Variants in STPG2 observed in about 807,000 individuals in gnomAD.
STPG2 encodes sperm tail PG-rich repeat containing 2.
A neutral mutation model predicts 54.2 loss-of-function variants in STPG2; 56 were observed. The ratio of observed to expected loss-of-function variants is 1.03; its 90% CI spans 0.83 to 1.29. STPG2 has a LOEUF of 1.29. Among genes scored for constraint, STPG2 ranks in the 50% most tolerant of loss-of-function variants. The pLI, the probability that STPG2 is intolerant of heterozygous loss-of-function variation, is 0.00. For synonymous variants in STPG2, 200 were observed against 181.8 expected (o/e 1.10, Z -0.81); for missense variants, 596 against 544.9 (o/e 1.09, Z -0.93).
intron 4 of STPG2, among the ~76,000 whole-genome samples, chr4:97,516,932 G>A (rs926340525): frequency 6.6e-6 from 1 of 151,684 alleles, no homozygotes; most frequent in Non-Finnish European, 1.5e-5. Context: ...TTTTAAGACT[G>A]AGTCTTACTC....
chr4:97,885,698 A>G (rs1423490970), intron 8 of STPG2, among the ~76,000 whole-genome samples: 1 of 152,210 alleles, frequency 6.6e-6, no homozygotes, highest in South Asian at 2.1e-4. Context: ...TTCCACAAAT[A>G]CAATGGGCCA....
At chr4:97,743,634 C>T (rs554064571) in intron 9 of STPG2, among the ~76,000 whole-genome samples, 26 of 151,548 alleles carry the variant, frequency 1.7e-4, no homozygotes, top group Admixed American at 1.4e-3. Flanking sequence ...CATCTTTGTG[C>T]TAGAGGGGAT....
intron 8 of STPG2, among the ~76,000 whole-genome samples, chr4:97,903,457 AC>A (rs1560580025): frequency 1.3e-5 from 2 of 152,220 alleles, no homozygotes; most frequent in African/African-American, 2.4e-5. Context: ...TAAAAAAAAA[AC>A]AGCAAATTAA....
intron 9 of STPG2, among the ~76,000 whole-genome samples, chr4:97,791,988 AC>A (rs1232236125): frequency 6.6e-6 from 1 of 152,158 alleles, no homozygotes; most frequent in African/African-American, 2.4e-5. Flanking sequence ...AATATGAAAG[AC>A]AAAGAGATCT....
At chr4:97,894,344 C>T (rs192961860) in intron 8 of STPG2, among the ~76,000 whole-genome samples, 26 of 151,890 alleles carry the variant, frequency 1.7e-4, no homozygotes, top group Admixed American at 3.3e-4. Context: ...CATTCATCTA[C>T]GAAAAAATAC....
intron 4 of STPG2, among the ~76,000 whole-genome samples, chr4:97,487,397 C>T (rs2148825252): frequency 6.6e-6 from 1 of 151,408 alleles, no homozygotes; most frequent in East Asian, 2.0e-4. Flanking sequence ...CAAATTGAAC[C>T]TTTAAATTTA....
chr4:97,764,785 T>A (rs1346736198), intron 9 of STPG2, among the ~76,000 whole-genome samples: 1 of 152,152 alleles, frequency 6.6e-6, no homozygotes, highest in African/African-American at 2.4e-5. Flanking sequence ...AGTATGTTAT[T>A]TAATTCATAT....
At chr4:97,853,956 CT>C (rs1729249753) in intron 8 of STPG2, among the ~76,000 whole-genome samples, 1 of 151,860 alleles carries the variant, frequency 6.6e-6, no homozygotes, top group African/African-American at 2.4e-5. Flanking sequence ...TAATTTGGGG[CT>C]TTTTGTGGGG....
chr4:98,050,861 C>T (rs1483721596), intron 5 of STPG2, among the ~76,000 whole-genome samples: 5 of 151,778 alleles, frequency 3.3e-5, no homozygotes, highest in African/African-American at 9.7e-5. Context: ...AAAAATTAGC[C>T]GGGCGTGGTG....
At chr4:97,596,157 T>TA (rs1486182096) in intron 10 of STPG2, among the ~76,000 whole-genome samples, 1 of 151,876 alleles carries the variant, frequency 6.6e-6, no homozygotes, top group Non-Finnish European at 1.5e-5. Flanking sequence ...CTAACAAAGA[T>TA]AAAAAAAGAA....
At chr4:97,535,671 T>G (rs890051305) in intron 4 of STPG2, among the ~76,000 whole-genome samples, 23 of 152,228 alleles carry the variant, frequency 1.5e-4, no homozygotes, top group African/African-American at 5.3e-4. Flanking sequence ...TGATTTCAGA[T>G]ATTCTCTTTT....
chr4:97,911,017 G>C (rs1428196206), intron 8 of STPG2, among the ~76,000 whole-genome samples: 6 of 152,196 alleles, frequency 3.9e-5, no homozygotes, highest in African/African-American at 9.6e-5. Flanking sequence ...AAAACAGAGT[G>C]GGGCAATAGC....
At chr4:97,923,305 C>T (rs900638309) in intron 8 of STPG2, among the ~76,000 whole-genome samples, 1 of 151,746 alleles carries the variant, frequency 6.6e-6, no homozygotes, top group Non-Finnish European at 1.5e-5. Flanking sequence ...CCCTCCCACC[C>T]CCCCCGCCAT....
intron 5 of STPG2, among the ~76,000 whole-genome samples, chr4:97,986,009 A>G (rs1443493692): frequency 1.3e-5 from 2 of 151,978 alleles, no homozygotes; most frequent in Non-Finnish European, 2.9e-5. Context: ...CCCCACATCC[A>G]TCTCTTGTAG....
chr4:97,494,437 A>G lies in STPG2; in HGVS notation c.462+218262T>C, dbSNP rs192771914. ...TTCATTTGCCTGGCTGAATTTTAGAATTGCTGTGAACCTGTGATGTTTATG... is the reference window on the plus strand; with the variant it reads ...TTCATTTGCCTGGCTGAATTTTAGAGTTGCTGTGAACCTGTGATGTTTATG... On this transcript the variant is annotated intron_variant, in intron 4 of 4. Coordinates refer to the STPG2 transcript ENST00000522676. 2.3e-4 allele frequency among the ~76,000 whole-genome samples: 35 copies of G among 151,608 alleles called. No homozygotes were observed. In the East Asian group the frequency reaches 5.3e-3, roughly 23 times the overall value.
intron 10 of STPG2, among the ~76,000 whole-genome samples, chr4:97,597,636 A>G (rs1358216140): frequency 1.3e-5 from 2 of 152,204 alleles, no homozygotes; most frequent in African/African-American, 2.4e-5. Flanking sequence ...AAAAAACCAC[A>G]TGATCATCTC....
At chr4:98,090,644 C>G (rs11097610) in intron 5 of STPG2, among the ~76,000 whole-genome samples, 58,231 of 151,636 alleles carry the variant, frequency 0.38, 11,402 homozygotes, top group African/African-American at 0.45. Flanking sequence ...GATTGCTTTG[C>G]GCAACATGGT....
intron 9 of STPG2, among the ~76,000 whole-genome samples, chr4:97,824,577 A>G (rs181521): frequency 6.6e-6 from 1 of 151,912 alleles, no homozygotes. Flanking sequence ...TCAAGACAGC[A>G]CAGCAAACTG....
chr4:97,989,379 T>A (rs1293296234), intron 5 of STPG2, among the ~76,000 whole-genome samples: 1 of 152,194 alleles, frequency 6.6e-6, no homozygotes, highest in Non-Finnish European at 1.5e-5. Context: ...AGGGATAGGT[T>A]CCAAGTCTCC....
Sources: allele counts gnomAD v4.1 joint callset (sites outside exome capture counted in the v4.1 genomes callset), GRCh38; gene constraint gnomAD v4.1.1; transcripts MANE v1.5; gene names NCBI Gene and HGNC (gene_info 2026-07-23, HGNC 2026-07-21).